The following GRM5 variants were observed in gnomAD, a reference collection of about 807,000 sequenced individuals.
The protein encoded by GRM5 is metabotropic glutamate receptor 5.
Under a neutral mutation model 83.1 loss-of-function variants are expected in GRM5, and 19 were observed. The observed-to-expected ratio is 0.23, with a 90% confidence interval of 0.16 to 0.34. The LOEUF (loss-of-function observed/expected upper bound fraction) is 0.34. Among genes scored for constraint, GRM5 ranks in the 10% least tolerant of loss-of-function variants. The pLI is 1.00. For synonymous variants in GRM5, 675 were observed against 633.6 expected, an observed-to-expected ratio of 1.07 and a Z score of -0.98; for missense variants, 1,160 against 1,588.3, an observed-to-expected ratio of 0.73 and a Z score of 4.58.
At chr11:88,943,444 A>G (rs1478276623) in intron 2 of GRM5, among the ~76,000 whole-genome samples, 2 of 152,088 alleles carry the variant, frequency 1.3e-5, no homozygotes, top group East Asian at 1.9e-4. Flanking sequence ...GTGAAAGTCT[A>G]GGTCTGACTG....
At position 88,848,492 on chromosome 11, in the gene GRM5, CT is replaced by C. The variant is rs142172810; in HGVS notation, c.911+1413del. On this transcript the variant is annotated intron_variant, in intron 3 of 9. Coordinates refer to ENST00000305447, the MANE Select transcript of GRM5 (RefSeq NM_001143831.3). ...AGTTAATAACAAGTGACTTGGCTCT[CT>C]ATTTGGGGCAGAAATCCTGAGAAAG... 5.5e-3 allele frequency among the ~76,000 whole-genome samples: 834 copies of C among 152,254 alleles called. 13 individuals carry two copies. Among genetic ancestry groups the C allele is most frequent in the African/African-American group, 0.019 (792 of 41,548 alleles).
At chr11:88,902,739 A>C (rs1337508328) in intron 2 of GRM5, among the ~76,000 whole-genome samples, 1 of 152,072 alleles carries the variant, frequency 6.6e-6, no homozygotes, top group East Asian at 1.9e-4. Flanking sequence ...GCGGATCATG[A>C]GGTCTGGATT....
At chr11:88,880,795 G>A (rs997965208) in intron 2 of GRM5, among the ~76,000 whole-genome samples, 25 of 152,156 alleles carry the variant, frequency 1.6e-4, no homozygotes, top group African/African-American at 5.5e-4. Context: ...GTGTTGGGAA[G>A]TGTCTAGACT....
intron 1 of GRM5, among the ~76,000 whole-genome samples, chr11:89,060,963 T>C (rs1941979189): frequency 6.6e-6 from 1 of 152,156 alleles, no homozygotes; most frequent in Admixed American, 6.5e-5. Flanking sequence ...AATATTTCTC[T>C]GAATATGAAT....
At position 88,505,141 on chromosome 11, in the gene GRM5, T is replaced by C. The variant is rs1468791928; in HGVS notation, c.*3451A>G. 2 of 152,210 alleles carry C rather than the reference T, an allele frequency of 1.3e-5. No homozygotes were observed. Among genetic ancestry groups the C allele is most frequent in the East Asian group, 3.8e-4 (2 of 5,204 alleles). 9.4% of individuals were successfully genotyped at this position (152,210 alleles called of 1,614,324 possible). On this transcript the variant is annotated 3_prime_UTR_variant, in exon 10 of 10. Transcript: ENST00000305447. ...GCCTCAGACCCTCTTCAAAGTGAAT[T>C]CTGACTTGTCTTTATGCTTTCACTG... is the stretch of plus-strand genomic sequence containing the variant.
At chr11:88,580,709 T>C (rs1449498073) in intron 7 of GRM5, among the ~76,000 whole-genome samples, 1 of 152,194 alleles carries the variant, frequency 6.6e-6, no homozygotes, top group Non-Finnish European at 1.5e-5. Flanking sequence ...ATGAAGCTAA[T>C]CTAAACGAAG....
chr11:89,037,187 T>A (rs1238951593), intron 2 of GRM5, among the ~76,000 whole-genome samples: 2 of 151,912 alleles, frequency 1.3e-5, no homozygotes, highest in African/African-American at 2.4e-5. Context: ...TGGGGGGGAG[T>A]TAGAAATGTT....
intron 4 of GRM5, among the ~76,000 whole-genome samples, chr11:88,621,415 A>G (rs1056835392): frequency 1.3e-5 from 2 of 152,216 alleles, no homozygotes; most frequent in African/African-American, 4.8e-5. Flanking sequence ...TTTCCCAGGT[A>G]GAATTGAAAA....
At chr11:88,678,347 T>C (rs540072863) in intron 3 of GRM5, among the ~76,000 whole-genome samples, 3 of 152,250 alleles carry the variant, frequency 2.0e-5, no homozygotes, top group Non-Finnish European at 2.9e-5. Flanking sequence ...ATGTGAGCCA[T>C]GGTCCCCAGC....
intron 4 of GRM5, among the ~76,000 whole-genome samples, chr11:88,614,361 G>A (rs1285710807): frequency 1.3e-5 from 2 of 152,144 alleles, no homozygotes; most frequent in Non-Finnish European, 2.9e-5. Flanking sequence ...GGCACAAGAT[G>A]CTTCCTAAGT....
chr11:88,901,488 C>A (rs746956355), intron 2 of GRM5, among the ~76,000 whole-genome samples: 1 of 152,122 alleles, frequency 6.6e-6, no homozygotes, highest in Non-Finnish European at 1.5e-5. Context: ...TCGTTTCCAG[C>A]CTTCATGTTC....
Position 88,879,540 on chromosome 11 carries a change from T to C in GRM5, c.662-29385A>G, listed in dbSNP as rs1944916544. Among the ~76,000 whole-genome samples, 3 of 151,740 alleles carry C rather than the reference T, an allele frequency of 2.0e-5. No homozygotes were observed. In the South Asian group the frequency reaches 6.2e-4, roughly 32 times the overall value. On this transcript the variant is annotated intron_variant, in intron 2 of 9. Transcript: ENST00000305447. Reference sequence around the variant, plus strand: ...GAGTAATAAATAAATGTAAGAAAAATACACACATTAAAAAAGCTGGTGAGA... The same window carrying C: ...GAGTAATAAATAAATGTAAGAAAAACACACACATTAAAAAAGCTGGTGAGA...
rs1555017420 is a variant in GRM5 at position 88,798,825 on chromosome 11, A to AAAC, written c.911+51078_911+51080dup. Reference sequence around the variant, plus strand: ...AACACCAAAAAAAAAAAAAAAAAAAAAACAACAACAACAACAAAAAAAAAC... The same window carrying AAAC: ...AACACCAAAAAAAAAAAAAAAAAAAAAACAACAACAACAACAACAAAAAAAAAC... On this transcript the variant is annotated intron_variant, in intron 3 of 9. Coordinates refer to ENST00000305447, the MANE Select transcript of GRM5 (RefSeq NM_001143831.3). Among the ~76,000 whole-genome samples the AAAC allele has an allele frequency of 4.7e-3, 684 of 145,130 alleles. 6 individuals are homozygous for AAAC. Among genetic ancestry groups the AAAC allele is most frequent in the African/African-American group, 0.013 (522 of 39,310 alleles).
At chr11:88,556,744 G>A (rs757242727) in intron 8 of GRM5, among the ~76,000 whole-genome samples, 5 of 151,990 alleles carry the variant, frequency 3.3e-5, no homozygotes, top group Non-Finnish European at 7.4e-5. Context: ...TAGGGTCCTG[G>A]CTTATAAATG....
chr11:88,938,370 A>G (rs1429525793), intron 2 of GRM5, among the ~76,000 whole-genome samples: 1 of 151,636 alleles, frequency 6.6e-6, no homozygotes, highest in Non-Finnish European at 1.5e-5. Context: ...GACATCTTTT[A>G]TATTTTTCAT....
At chr11:88,598,098 G>T (rs745563825) in intron 5 of GRM5, among the ~76,000 whole-genome samples, 2 of 152,004 alleles carry the variant, frequency 1.3e-5, no homozygotes, top group Non-Finnish European at 2.9e-5. Flanking sequence ...GAGGATATTG[G>T]ATAAGCAATA....
chr11:88,697,081 A>C (rs531715676), intron 3 of GRM5, among the ~76,000 whole-genome samples: 2 of 152,352 alleles, frequency 1.3e-5, no homozygotes, highest in South Asian at 4.1e-4. Context: ...ATGTGTATAC[A>C]GTATGTAGTG....
chr11:88,643,092 G>GA (rs35371603), intron 4 of GRM5, among the ~76,000 whole-genome samples: 124,959 of 151,860 alleles, frequency 0.82, 53,923 homozygotes, highest in Non-Finnish European at 0.97. Context: ...TACTTTATAA[G>GA]AAAAAAATGT....
chr11:88,997,522 A>G (rs1384760499), intron 2 of GRM5, among the ~76,000 whole-genome samples: 3 of 152,026 alleles, frequency 2.0e-5, no homozygotes, highest in Non-Finnish European at 1.5e-5. Context: ...AAAAATCAGT[A>G]AAATTGACAA....
Sources: gnomAD v4.1 joint callset for allele counts (sites outside exome capture counted in the v4.1 genomes callset) on GRCh38, gnomAD v4.1.1 for gene constraint, MANE v1.5 for transcripts, NCBI Gene and HGNC (gene_info 2026-07-23, HGNC 2026-07-21) for gene names.